Variants in ERC2 observed in about 807,000 individuals in gnomAD.
ERC2 encodes the protein ERC protein 2.
In ERC2, 42 loss-of-function variants were observed where a neutral mutation model predicts 114.8. That is an observed-to-expected ratio of 0.37 (90% CI 0.29 to 0.47). ERC2 has a LOEUF of 0.47. Ranked by LOEUF, ERC2 falls within the 20% of genes least tolerant of loss-of-function variation. The pLI is 0.99. For synonymous variants in ERC2, 454 were observed against 425.5 expected, an observed-to-expected ratio of 1.07 and a Z score of -0.82; for missense variants, 939 against 1,150.7, an observed-to-expected ratio of 0.82 and a Z score of 2.66.
At chr3:56,310,491 G>GT (rs1219732010) in intron 2 of ERC2, among the ~76,000 whole-genome samples, 1 of 152,150 alleles carries the variant, frequency 6.6e-6, no homozygotes, top group Non-Finnish European at 1.5e-5. Context: ...TTTCAGAATT[G>GT]TAAGATGTCT....
intron 6 of ERC2, among the ~76,000 whole-genome samples, chr3:56,128,097 T>A (rs2079987880): frequency 6.6e-6 from 1 of 151,956 alleles, no homozygotes; most frequent in East Asian, 1.9e-4. Context: ...TTTTTAAATT[T>A]TAAAAAAAAG....
intron 14 of ERC2, among the ~76,000 whole-genome samples, chr3:55,876,748 G>T (rs1357495887): frequency 6.6e-6 from 1 of 152,196 alleles, no homozygotes; most frequent in Non-Finnish European, 1.5e-5. Flanking sequence ...CAAGCAGCAG[G>T]CATTGATGGA....
At chr3:55,586,091 C>T (rs1176740233) in intron 17 of ERC2, among the ~76,000 whole-genome samples, 1 of 152,188 alleles carries the variant, frequency 6.6e-6, no homozygotes, top group Non-Finnish European at 1.5e-5. Flanking sequence ...CACACAGAGG[C>T]CCCCATAGGC....
intron 3 of ERC2, among the ~76,000 whole-genome samples, chr3:56,259,517 T>C (rs1364056008): frequency 6.6e-6 from 1 of 152,076 alleles, no homozygotes; most frequent in African/African-American, 2.4e-5. Flanking sequence ...AAACATTATA[T>C]CAGAGTGACT....
At chr3:55,726,172 G>T (rs1230797750) in intron 15 of ERC2, among the ~76,000 whole-genome samples, 5 of 152,330 alleles carry the variant, frequency 3.3e-5, no homozygotes, top group Non-Finnish European at 7.3e-5. Context: ...AAGTGGGTCT[G>T]CTGTAAAAAC....
chr3:55,801,078 C>G (rs936425934), intron 14 of ERC2, among the ~76,000 whole-genome samples: 2 of 152,208 alleles, frequency 1.3e-5, no homozygotes, highest in African/African-American at 4.8e-5. Context: ...TGTGCCCACA[C>G]CTTTGGAATT....
chr3:56,052,517 C>T (rs868033814), intron 7 of ERC2, among the ~76,000 whole-genome samples: 6 of 152,324 alleles, frequency 3.9e-5, no homozygotes, highest in Non-Finnish European at 8.8e-5. Context: ...CAATGGAGGC[C>T]ATCTGGCCCT....
At chr3:56,253,428 C>A (rs978703821) in intron 3 of ERC2, among the ~76,000 whole-genome samples, 1 of 152,200 alleles carries the variant, frequency 6.6e-6, no homozygotes, top group Non-Finnish European at 1.5e-5. Flanking sequence ...CTCTCAACTT[C>A]TTTAGGCACA....
chr3:56,360,783 A>G (rs2058927506), intron 2 of ERC2, among the ~76,000 whole-genome samples: 1 of 152,084 alleles, frequency 6.6e-6, no homozygotes, highest in Admixed American at 6.5e-5. Flanking sequence ...TGGCATAGGC[A>G]TGTAATCCCA....
At position 55,731,419 on chromosome 3, in the gene ERC2, A is replaced by G. The variant is rs376441237; in HGVS notation, c.2712+3352T>C. Among the ~76,000 whole-genome samples, 222 of 152,378 alleles carry G rather than the reference A, an allele frequency of 1.5e-3. 1 individual carries two copies. The highest frequency in any genetic ancestry group is 2.2e-3 in the Non-Finnish European group (151 of 68,036). On this transcript the variant is annotated intron_variant, in intron 15 of 17. Transcript: ENST00000288221. ...TAGTAGTTGCAATAGCAGCTTACAC[A>G]TATGAAGCACCTATTATGTGCCAGG...
intron 17 of ERC2, among the ~76,000 whole-genome samples, chr3:55,648,956 C>T (rs939618165): frequency 6.6e-6 from 1 of 152,148 alleles, no homozygotes; most frequent in Non-Finnish European, 1.5e-5. Context: ...GACAATTTGC[C>T]ACTCTGTAGC....
At chr3:56,314,899 T>C (rs2056790129) in intron 2 of ERC2, among the ~76,000 whole-genome samples, 1 of 152,208 alleles carries the variant, frequency 6.6e-6, no homozygotes, top group Non-Finnish European at 1.5e-5. Flanking sequence ...GCTCTTTCCC[T>C]TCTAGCTCCA....
chr3:55,559,680 C>T (rs1329702852), intron 17 of ERC2, among the ~76,000 whole-genome samples: 1 of 152,256 alleles, frequency 6.6e-6, no homozygotes, highest in Non-Finnish European at 1.5e-5. Context: ...CAGAGGACAA[C>T]ACCCTCAGTC....
intron 17 of ERC2, among the ~76,000 whole-genome samples, chr3:55,514,402 C>T (rs1268291553): frequency 6.6e-6 from 1 of 151,932 alleles, no homozygotes; most frequent in East Asian, 1.9e-4. Flanking sequence ...CCACTCCAGC[C>T]GTGATTGTGC....
At chr3:55,557,674 G>A (rs942632583) in intron 17 of ERC2, among the ~76,000 whole-genome samples, 4 of 152,224 alleles carry the variant, frequency 2.6e-5, no homozygotes, top group African/African-American at 9.6e-5. Context: ...GAAAAGACTG[G>A]GAGGAGCACT....
At chr3:55,979,799 A>G (rs1346727842) in intron 12 of ERC2, among the ~76,000 whole-genome samples, 1 of 151,866 alleles carries the variant, frequency 6.6e-6, no homozygotes, top group Non-Finnish European at 1.5e-5. Flanking sequence ...AAATTCAATT[A>G]GCTGTGCATG....
intron 16 of ERC2, among the ~76,000 whole-genome samples, chr3:55,695,948 C>A (rs79023375): frequency 0.021 from 3,236 of 152,258 alleles, 54 homozygotes; most frequent in Non-Finnish European, 0.032. Flanking sequence ...TGCCCCAGGA[C>A]GCTCGAAGAT....
intron 12 of ERC2, among the ~76,000 whole-genome samples, chr3:55,973,854 C>G (rs1158565956): frequency 6.6e-6 from 1 of 152,116 alleles, no homozygotes; most frequent in Non-Finnish European, 1.5e-5. Context: ...TGTTTTTAAA[C>G]TTTACAAAAC....
chr3:56,230,423 G>T (rs116597901), intron 3 of ERC2, among the ~76,000 whole-genome samples: 3,154 of 152,136 alleles, frequency 0.021, 50 homozygotes, highest in Middle Eastern at 0.051. Flanking sequence ...TAAATTGGGG[G>T]TTTTTTGTTT....
Sources: allele counts gnomAD v4.1 joint callset (sites outside exome capture counted in the v4.1 genomes callset), GRCh38; gene constraint gnomAD v4.1.1; transcripts MANE v1.5; gene names NCBI Gene and HGNC (gene_info 2026-07-23, HGNC 2026-07-21).